The following ZZEF1 variants were observed in gnomAD, a reference collection of about 807,000 sequenced individuals.
The protein encoded by ZZEF1 is zinc finger ZZ-type and EF-hand domain containing 1.
A neutral mutation model predicts 342.8 loss-of-function variants in ZZEF1; 157 were observed. That is an observed-to-expected ratio of 0.46 (90% CI 0.40 to 0.52). The LOEUF is 0.52. ZZEF1 is among the 20% of genes least tolerant of loss of function. The probability of loss-of-function intolerance (pLI) is 0.00; values close to 1 mark genes in which losing one functional copy is unlikely to be tolerated. For missense variants in ZZEF1, 3,480 were observed against 3,725.6 expected (o/e 0.93, Z 1.72); for synonymous variants, 1,505 against 1,429.1 (o/e 1.05, Z -1.20).
intron 39 of ZZEF1, among the ~76,000 whole-genome samples, chr17:4,036,597 T>C (rs910580599): frequency 6.6e-6 from 1 of 151,932 alleles, no homozygotes; most frequent in Admixed American, 6.6e-5. Flanking sequence ...CCAGGCGTGG[T>C]GGCACGTGCC....
intron 53 of ZZEF1, chr17:4,009,378 C>A: frequency 3.2e-6 from 2 of 617,344 alleles, no homozygotes; most frequent in South Asian, 2.0e-5. Flanking sequence ...AGTTTCTCCC[C>A]CATTGGCTCT....
Position 4,017,433 on chromosome 17 carries a change from C to T in ZZEF1, c.7939G>A (p.Ala2647Thr). 6.2e-7 allele frequency: 1 copy of T among 1,613,580 alleles called. No homozygotes were observed. Among genetic ancestry groups the T allele is most frequent in the Non-Finnish European group, 8.5e-7 (1 of 1,179,550 alleles). Residue 2647 changes from alanine (A) to threonine (T), a missense_variant, in exon 48 of 55, where the codon GCC (alanine) becomes ACC (threonine). Around this residue, in one of 5 missense-constraint regions of ZZEF1, gnomAD observed 1,269 missense variants for 1,342.4 expected, o/e 0.95. Transcript: ENST00000381638. This position sits in a 1 kb window ranked among gnomAD's most constrained non-coding sequence, Gnocchi z 5.1. ...ATATCCAAAATGTAGGTCATATGGG[C>T]AGGGCCACTGAGCTCCAGGATGTCC... Reference protein sequence around the residue: ...SEDILELSGPAHMTYILDMFM... With the variant: ...SEDILELSGPTHMTYILDMFM...
intron 1 of ZZEF1, among the ~76,000 whole-genome samples, chr17:4,140,357 C>T (rs576120647): frequency 6.6e-6 from 1 of 152,234 alleles, no homozygotes; most frequent in Non-Finnish European, 1.5e-5. Context: ...TTTCACCATT[C>T]ACCTGTGGGC....
chr17:4,058,118 G>C lies in ZZEF1; in HGVS notation c.5041C>G (p.Leu1681Val). ...CAGCCCATATCCAAAAGATGAAGCAGGGCTGTCTGAACACAGGATAAGGCA... is the reference window on the plus strand; with the variant it reads ...CAGCCCATATCCAAAAGATGAAGCACGGCTGTCTGAACACAGGATAAGGCA... ...LPALSCVQTALLHLLDMGWEP... is the reference protein window; with the variant it reads ...LPALSCVQTAVLHLLDMGWEP... Residue 1681 changes from leucine (L) to valine (V), a missense_variant, in exon 32 of 55, where the codon CTG becomes GTG. Transcript: ENST00000381638. 4 of 1,613,958 alleles carry C rather than the reference G, an allele frequency of 2.5e-6. No homozygotes were observed. Among genetic ancestry groups the C allele is most frequent in the Non-Finnish European group, 3.4e-6 (4 of 1,179,912 alleles).
chr17:4,055,024 C>T (rs1234571769), intron 33 of ZZEF1, among the ~76,000 whole-genome samples: 1 of 152,186 alleles, frequency 6.6e-6, no homozygotes, highest in African/African-American at 2.4e-5. Flanking sequence ...TTCACAGATA[C>T]AGGAAACACT....
intron 21 of ZZEF1, chr17:4,075,836 G>A (rs572429047): frequency 1.9e-5 from 3 of 156,018 alleles, no homozygotes; most frequent in Admixed American, 6.4e-5. Context: ...CGGGGGGTTG[G>A]GGGGGGGCCT....
At chr17:4,083,173 A>G (rs2057755625) in intron 16 of ZZEF1, among the ~76,000 whole-genome samples, 2 of 152,246 alleles carry the variant, frequency 1.3e-5, no homozygotes, top group African/African-American at 4.8e-5. Context: ...CCTGATGGAG[A>G]GAGAATCGCT....
In ZZEF1 at chr17:4,075,312, C is replaced by T. The variant is rs2057589712; in HGVS notation, c.3352G>A (p.Ala1118Thr). 6.2e-7 allele frequency: 1 copy of T among 1,614,190 alleles called. No individual in the cohort carries two copies. Among genetic ancestry groups the T allele is most frequent in the Non-Finnish European group, 8.5e-7 (1 of 1,180,040 alleles). The change falls in exon 22 of 55, where the codon GCA (alanine) becomes ACA (threonine). Residue 1118 changes from alanine to threonine, a missense_variant. Physicochemically the swap from Ala to Thr is moderately conservative, Grantham distance 58. Coordinates refer to ENST00000381638, the MANE Select transcript of ZZEF1 (RefSeq NM_015113.4). ...TCGAATTCCACTTCAAAATAGGTTG[C>T]CCCTGGGCTAACAAAGACGGATACC... is the stretch of plus-strand genomic sequence containing the variant. ...HEVSVFVSPG[A>T]TYFEVEFDDR... is the part of the protein sequence containing the mutation.
chr17:4,086,598 G>A lies in ZZEF1; in HGVS notation c.2400C>T (p.Cys800=), dbSNP rs761696314. The change falls in exon 15 of 55, where the codon TGC becomes TGT. Residue 800 remains cysteine (C), a synonymous_variant. Coordinates refer to ENST00000381638, the MANE Select transcript of ZZEF1 (RefSeq NM_015113.4). ...GTACATCTCCCTGCAGCACAGAGAA[G>A]CAGCTCTGGAGTAGCTGCAGAAGCA... ...QTLLLQLLQS[C]FSVLQGDVLA... 1.2e-6 allele frequency: 2 copies of A among 1,614,220 alleles called. No homozygotes were observed. The highest frequency in any genetic ancestry group is 1.7e-5 in the Admixed American group (1 of 60,024).
intron 6 of ZZEF1, among the ~76,000 whole-genome samples, chr17:4,107,598 A>T (rs928840978): frequency 6.6e-6 from 1 of 152,268 alleles, no homozygotes; most frequent in African/African-American, 2.4e-5. Context: ...CAGCTCTGCA[A>T]AAGATGCTGG....
chr17:4,136,045 T>A (rs552913753), intron 1 of ZZEF1, among the ~76,000 whole-genome samples: 10 of 138,576 alleles, frequency 7.2e-5, no homozygotes, highest in Non-Finnish European at 1.5e-4. Context: ...CAGGCTGGAG[T>A]GCAGTGGTGC....
chr17:4,105,629 G>T (rs1020366076), intron 7 of ZZEF1, 64 bp downstream of exon 7: 1 of 1,202,392 alleles, frequency 8.3e-7, no homozygotes, highest in South Asian at 1.4e-5. Context: ...ATTTTTTAAA[G>T]ACTTAACAAG....
At chr17:4,051,109 C>T (rs1036308659) in intron 35 of ZZEF1, 66 bp from the exon 36 acceptor site, 40 of 1,611,696 alleles carry the variant, frequency 2.5e-5, no homozygotes, top group Non-Finnish European at 1.0e-5. Flanking sequence ...CAAACAGGAG[C>T]ACAGGGCCTT....
chr17:4,106,359 T>G (rs113705749), intron 6 of ZZEF1, among the ~76,000 whole-genome samples: 4,410 of 152,180 alleles, frequency 0.029, 97 homozygotes, highest in Middle Eastern at 0.086. Flanking sequence ...TGAATAAAAC[T>G]TATTCAACTC....
At position 4,112,683 on chromosome 17, in the gene ZZEF1, A is replaced by G; in HGVS notation, c.992T>C (p.Val331Ala). 6.2e-7 allele frequency: 1 copy of G among 1,614,228 alleles called. No homozygotes were observed. Among genetic ancestry groups the G allele is most frequent in the African/African-American group, 1.3e-5 (1 of 75,060 alleles). Residue 331 changes from valine to alanine, a missense_variant, in exon 5 of 55, where the codon GTC (valine) becomes GCC (alanine). Val to Ala is a moderately conservative substitution (Grantham distance 64). Transcript: ENST00000381638. ...VGRNASDLQE[V>A]RDVHIPSNVT... ...ATTGCTGGGGATGTGCACATCTCGGACTTCCTGAAGATCGCTGGCATTCCT... is the reference window on the plus strand; with the variant it reads ...ATTGCTGGGGATGTGCACATCTCGGGCTTCCTGAAGATCGCTGGCATTCCT...
Position 4,017,026 on chromosome 17 carries a change from C to T in ZZEF1, c.8001+345G>A. 4.1e-6 allele frequency: 1 copy of T among 243,016 alleles called. No homozygotes were observed. Among genetic ancestry groups the T allele is most frequent in the South Asian group, 7.5e-5 (1 of 13,264 alleles). 15.1% of individuals were successfully genotyped at this position (243,016 alleles called of 1,614,324 possible). A position where few individuals can be genotyped will look rare whatever the true frequency, so the allele number is the denominator to read the frequency against. On this transcript the variant is annotated intron_variant, in intron 48 of 54. Transcript: ENST00000381638. This position sits in a 1 kb window ranked among gnomAD's most constrained non-coding sequence, Gnocchi z 5.1. ...AGATGGACAAAGCAAGGCTGAGAGGCCAAATGAACTTCCTCATGGACTGCG... is the reference window on the plus strand; with the variant it reads ...AGATGGACAAAGCAAGGCTGAGAGGTCAAATGAACTTCCTCATGGACTGCG...
In ZZEF1 at chr17:4,004,976, G is replaced by A. The variant is rs979753245; in HGVS notation, c.*1914C>T. ...TATTTACAGCTGATCTTCCTGACGG[G>A]AGGATGGAGTACAGCGGCGGCCACT... On this transcript the variant is annotated 3_prime_UTR_variant, in exon 55 of 55. Transcript: ENST00000381638. The A allele has an allele frequency of 1.2e-4, 18 of 152,376 alleles. No individual in the cohort carries two copies. The highest frequency in any genetic ancestry group is 4.3e-4 in the African/African-American group (18 of 41,474). The allele number at this position is 152,376 out of a possible 1,614,324, so 9.4% of individuals were successfully genotyped here. A position where few individuals can be genotyped will look rare whatever the true frequency, so the allele number is the denominator to read the frequency against.
intron 32 of ZZEF1, 124 bp downstream of exon 32, chr17:4,057,870 T>TG (rs776365186): frequency 3.6e-5 from 35 of 984,316 alleles, no homozygotes; most frequent in Admixed American, 1.0e-4. Flanking sequence ...GGCTAGGATG[T>TG]GGCAAAGCCA....
At chr17:4,036,811 ACACACACTCTCTCT>A (rs61301045) in intron 39 of ZZEF1, among the ~76,000 whole-genome samples, 86 of 93,954 alleles carry the variant, frequency 9.2e-4, no homozygotes, top group African/African-American at 6.5e-3. Flanking sequence ...ACACACACAC[ACACACACTCTCTCT>A]CTCTCTCTCT....
Sources: allele counts gnomAD v4.1 joint callset (sites outside exome capture counted in the v4.1 genomes callset), GRCh38; gene constraint gnomAD v4.1.1; regional missense constraint gnomAD v4.1.1; non-coding constraint Gnocchi (gnomAD v3.1); transcripts MANE v1.5; gene names NCBI Gene and HGNC (gene_info 2026-07-23, HGNC 2026-07-21).